Variants in TMEM135 observed in about 807,000 individuals in gnomAD.
The protein encoded by TMEM135 is transmembrane protein 135.
Under a neutral mutation model 60.3 loss-of-function variants are expected in TMEM135, and 30 were observed. The observed-to-expected ratio is 0.50, with a 90% CI of 0.37 to 0.68. TMEM135 has a LOEUF of 0.68. Among genes scored for constraint, TMEM135 ranks in the 30% least tolerant of loss-of-function variants. The pLI, the probability that TMEM135 is intolerant of heterozygous loss-of-function variation, is 0.00. For synonymous variants in TMEM135, 190 were observed against 186.7 expected, an observed-to-expected ratio of 1.02 and a Z score of -0.14; for missense variants, 468 against 548.8, an observed-to-expected ratio of 0.85 and a Z score of 1.47.
chr11:87,131,424 A>G (rs1461918456), intron 4 of TMEM135, among the ~76,000 whole-genome samples: 4 of 152,052 alleles, frequency 2.6e-5, no homozygotes, highest in Non-Finnish European at 5.9e-5. Context: ...ATCCCTCACT[A>G]GAGTGTGGTC....
intron 4 of TMEM135, among the ~76,000 whole-genome samples, chr11:87,131,017 C>CTTTATTTA (rs145719148): frequency 4.7e-5 from 7 of 149,914 alleles, no homozygotes; most frequent in African/African-American, 1.7e-4. Context: ...ACAAATTAGG[C>CTTTATTTA]TTTATTTATT....
intron 1 of TMEM135, among the ~76,000 whole-genome samples, chr11:87,064,242 A>G (rs577010434): frequency 1.1e-4 from 16 of 145,868 alleles, no homozygotes; most frequent in African/African-American, 3.8e-4. Context: ...TTATATGCCT[A>G]TTGGTCATGC....
chr11:87,258,748 A>G, intron 6 of TMEM135: 1 of 430,462 alleles, frequency 2.3e-6, no homozygotes, highest in Non-Finnish European at 4.3e-6. Context: ...TAGATGGATC[A>G]ATGTGCCAAA....
At chr11:87,178,196 T>C (rs999874974) in intron 5 of TMEM135, among the ~76,000 whole-genome samples, 18 of 152,142 alleles carry the variant, frequency 1.2e-4, no homozygotes, top group African/African-American at 4.1e-4. Flanking sequence ...TGTGTTTGGT[T>C]TTTTTGGTGA....
At chr11:87,246,303 C>T (rs1388156348) in intron 6 of TMEM135, among the ~76,000 whole-genome samples, 6 of 150,056 alleles carry the variant, frequency 4.0e-5, no homozygotes, top group Non-Finnish European at 8.9e-5. Context: ...TTCATTTCAA[C>T]TTTGGTGAAT....
Position 87,183,816 on chromosome 11 carries a change from C to T in TMEM135, c.462+26410C>T, listed in dbSNP as rs559540711. ...ACTAAAAATACAAAAATTAGCTGGG[C>T]GTGGTGGCGGGCGCCTGTAATCCCA... On this transcript the variant is annotated intron_variant, in intron 5 of 14. Coordinates refer to ENST00000305494, the MANE Select transcript of TMEM135 (RefSeq NM_022918.4). 1.2e-3 allele frequency among the ~76,000 whole-genome samples: 178 copies of T among 151,704 alleles called. 1 individual carries two copies. The highest frequency in any genetic ancestry group is 4.1e-3 in the African/African-American group (169 of 41,360).
chr11:87,061,891 A>G (rs1221072365), intron 1 of TMEM135, among the ~76,000 whole-genome samples: 3 of 152,170 alleles, frequency 2.0e-5, no homozygotes, highest in Non-Finnish European at 4.4e-5. Flanking sequence ...GTCTGTGCCC[A>G]TCGTATTAGT....
At chr11:87,247,688 C>A (rs1269303744) in intron 6 of TMEM135, among the ~76,000 whole-genome samples, 2 of 152,148 alleles carry the variant, frequency 1.3e-5, no homozygotes, top group African/African-American at 4.8e-5. Context: ...CCTGGTGCGC[C>A]GTTTTTTAAG....
intron 5 of TMEM135, among the ~76,000 whole-genome samples, chr11:87,207,734 G>T (rs1370071372): frequency 6.6e-6 from 1 of 152,200 alleles, no homozygotes; most frequent in African/African-American, 2.4e-5. Context: ...ATAAAGAGAA[G>T]TTTATACTCC....
chr11:87,227,783 G>A (rs956541739), intron 5 of TMEM135, among the ~76,000 whole-genome samples: 1 of 152,108 alleles, frequency 6.6e-6, no homozygotes, highest in Non-Finnish European at 1.5e-5. Flanking sequence ...TATTCACAAA[G>A]AGACCATGCA....
intron 6 of TMEM135, among the ~76,000 whole-genome samples, chr11:87,240,094 A>G (rs910973118): frequency 4.6e-5 from 7 of 152,076 alleles, no homozygotes; most frequent in Non-Finnish European, 2.9e-5. Context: ...CTGTGCGAGG[A>G]GAGGGCTCTA....
intron 6 of TMEM135, among the ~76,000 whole-genome samples, chr11:87,265,155 A>T (rs1408695519): frequency 6.6e-6 from 1 of 152,024 alleles, no homozygotes; most frequent in Non-Finnish European, 1.5e-5. Context: ...TAGAGCTAGA[A>T]CAAATAATAT....
rs186101524 is a variant in TMEM135, at chr11:87,113,822, C to G, written c.396+22427C>G. ...TGGTGAAACAATTTTACTGTTATGC[C>G]TCCATTTTCTCAGCTGTGAGATATA... On this transcript the variant is annotated intron_variant, in intron 4 of 14. Transcript: ENST00000305494. Among the ~76,000 whole-genome samples, 11 of 152,068 alleles carry G rather than the reference C, an allele frequency of 7.2e-5. No homozygotes were observed. The East Asian group carries it at 2.1e-3, about 29-fold the overall frequency.
At chr11:87,187,810 TTG>T (rs1382241812) in intron 5 of TMEM135, among the ~76,000 whole-genome samples, 4 of 152,214 alleles carry the variant, frequency 2.6e-5, no homozygotes, top group African/African-American at 9.7e-5. Flanking sequence ...TTCTTGTTGT[TTG>T]TGGGAAAATA....
intron 4 of TMEM135, among the ~76,000 whole-genome samples, chr11:87,099,220 G>A (rs1377309548): frequency 6.6e-6 from 1 of 151,998 alleles, no homozygotes; most frequent in Non-Finnish European, 1.5e-5. Flanking sequence ...AAACTTTTGT[G>A]TGTTGTCTGC....
At chr11:87,309,443 G>A (rs960831967) in intron 9 of TMEM135, 62 bp from the exon 10 acceptor site, 77 of 1,553,980 alleles carry the variant, frequency 5.0e-5, no homozygotes, top group African/African-American at 1.8e-4. Context: ...GGTAAAATTC[G>A]TATTCTATCA....
At chr11:87,259,647 C>G (rs902422143) in intron 6 of TMEM135, among the ~76,000 whole-genome samples, 1 of 152,152 alleles carries the variant, frequency 6.6e-6, no homozygotes, top group African/African-American at 2.4e-5. Flanking sequence ...AGTACACCAT[C>G]GATATACAAG....
At chr11:87,146,238 A>G (rs1938411052) in intron 4 of TMEM135, among the ~76,000 whole-genome samples, 1 of 152,132 alleles carries the variant, frequency 6.6e-6, no homozygotes, top group African/African-American at 2.4e-5. Context: ...AGTGGAAGCC[A>G]TGTGTGGTGG....
intron 1 of TMEM135, among the ~76,000 whole-genome samples, chr11:87,059,241 A>G (rs980660982): frequency 3.3e-5 from 5 of 151,660 alleles, no homozygotes; most frequent in African/African-American, 1.2e-4. Flanking sequence ...AAATTTTTAG[A>G]AAAAAAATAC....
Sources: allele counts gnomAD v4.1 joint callset (sites outside exome capture counted in the v4.1 genomes callset), GRCh38; gene constraint gnomAD v4.1.1; transcripts MANE v1.5; gene names NCBI Gene and HGNC (gene_info 2026-07-23, HGNC 2026-07-21).